The following PPP1CB variants were observed in gnomAD, a reference collection of about 807,000 sequenced individuals.
The protein encoded by PPP1CB is protein phosphatase 1 catalytic subunit beta, also known as serine/threonine-protein phosphatase PP1-beta catalytic subunit.
Under a neutral mutation model 43.7 loss-of-function variants are expected in PPP1CB, and 2 were observed. That is an observed-to-expected ratio of 0.05 (90% CI 0.02 to 0.14). PPP1CB has a LOEUF of 0.14. Ranked by LOEUF, PPP1CB falls within the 10% of genes least tolerant of loss-of-function variation. The pLI is 1.00. For synonymous variants in PPP1CB, 136 were observed against 135.6 expected (o/e 1.00, Z -0.02); for missense variants, 84 against 398.0 (o/e 0.21, Z 6.71).
chr2:28,761,574 A>C (rs749606138), intron 1 of PPP1CB, among the ~76,000 whole-genome samples: 2 of 152,236 alleles, frequency 1.3e-5, no homozygotes, highest in Non-Finnish European at 2.9e-5. Context: ...TCTTTGTGCC[A>C]CTGAGTCCTG....
intron 1 of PPP1CB, among the ~76,000 whole-genome samples, chr2:28,767,561 G>T (rs1475178373): frequency 6.6e-6 from 1 of 152,168 alleles, no homozygotes; most frequent in Non-Finnish European, 1.5e-5. Context: ...ACGCTGCCAG[G>T]TTGTAACTGC....
At chr2:28,769,710 A>G (rs1011147930) in intron 1 of PPP1CB, among the ~76,000 whole-genome samples, 9 of 152,240 alleles carry the variant, frequency 5.9e-5, no homozygotes, top group African/African-American at 2.2e-4. Flanking sequence ...GGAAACAAAA[A>G]TACGACAACT....
At position 28,761,186 on chromosome 2, in the gene PPP1CB, G is replaced by A. The variant is rs1042303456; in HGVS notation, c.52+9010G>A. Reference sequence around the variant, plus strand: ...ATTACTGGGGTGAGCCACCGCGCCCGGCCGAGACCAGACTTCTGAGGGGGA... The same window carrying A: ...ATTACTGGGGTGAGCCACCGCGCCCAGCCGAGACCAGACTTCTGAGGGGGA... On this transcript the variant is annotated intron_variant, in intron 1 of 7. Transcript: ENST00000395366. Among the ~76,000 whole-genome samples, 6 of 152,108 alleles carry A rather than the reference G, an allele frequency of 3.9e-5. No individual in the cohort carries two copies. In the East Asian group the frequency reaches 7.7e-4, roughly 20 times the overall value.
chr2:28,763,893 A>G (rs1310109185), intron 1 of PPP1CB, among the ~76,000 whole-genome samples: 6 of 149,548 alleles, frequency 4.0e-5, no homozygotes, highest in African/African-American at 1.2e-4. Context: ...TTTAGTAGAG[A>G]CGGGGTTTCA....
At chr2:28,779,475 C>G (rs1667104009) in intron 3 of PPP1CB, among the ~76,000 whole-genome samples, 1 of 152,110 alleles carries the variant, frequency 6.6e-6, no homozygotes, top group Non-Finnish European at 1.5e-5. Flanking sequence ...GAATTTAAAT[C>G]TATGTCTGTA....
At chr2:28,794,100 C>A in intron 7 of PPP1CB, 103 bp downstream of exon 7, 1 of 936,560 alleles carries the variant, frequency 1.1e-6, no homozygotes, top group African/African-American at 1.7e-5. Context: ...TGTTGAAAGT[C>A]TGTTTAATTC....
intron 1 of PPP1CB, among the ~76,000 whole-genome samples, chr2:28,758,186 C>CA (rs948279498): frequency 2.0e-5 from 3 of 151,672 alleles, no homozygotes; most frequent in African/African-American, 7.3e-5. Context: ...GCTGGGACCA[C>CA]AGGCATGCAC....
In PPP1CB at chr2:28,800,834, T is replaced by C. The variant is rs907160575; in HGVS notation, c.*1531T>C. On this transcript the variant is annotated 3_prime_UTR_variant, in exon 8 of 8. Coordinates refer to ENST00000395366, the MANE Select transcript of PPP1CB (RefSeq NM_002709.3). ...AGATGTGACATTTTTGACCTTAATATCGTCTTTGAAAATGTTAAATTGAGA... is the reference window on the plus strand; with the variant it reads ...AGATGTGACATTTTTGACCTTAATACCGTCTTTGAAAATGTTAAATTGAGA... 5 of 152,532 alleles carry C rather than the reference T, an allele frequency of 3.3e-5. No homozygotes were observed. The highest frequency in any genetic ancestry group is 1.2e-4 in the African/African-American group (5 of 41,448). 9.4% of individuals were successfully genotyped at this position (152,532 alleles called of 1,614,324 possible).
chr2:28,771,039 C>CCT (rs1666898031), intron 1 of PPP1CB, among the ~76,000 whole-genome samples: 1 of 43,988 alleles, frequency 2.3e-5, no homozygotes, highest in Non-Finnish European at 5.0e-5. Context: ...TTATTCCCTG[C>CCT]TCCCCCCCCC....
At chr2:28,786,793 A>AAAAAC (rs1466062213) in intron 5 of PPP1CB, among the ~76,000 whole-genome samples, 1 of 151,528 alleles carries the variant, frequency 6.6e-6, no homozygotes, top group Admixed American at 6.6e-5. Flanking sequence ...AAAAAAAAAA[A>AAAAAC]AAGAAATTAT....
rs751646412 is a variant in PPP1CB, at chr2:28,781,883, T to C, written c.520+41T>C. 2.2e-6 allele frequency: 3 copies of C among 1,373,092 alleles called. No homozygotes were observed. In the African/African-American group the frequency reaches 4.3e-5, roughly 20 times the overall value. The allele number at this position is 1,373,092 out of a possible 1,614,324, so 85.1% of individuals were successfully genotyped here. ...TGCCTTACAGATTTTTTTTTTCTTC[T>C]ATTATTCGGAAAATACCTATAATAA... is the stretch of plus-strand genomic sequence containing the variant. On this transcript the variant is annotated intron_variant, in intron 4 of 7. Coordinates refer to ENST00000395366, the MANE Select transcript of PPP1CB (RefSeq NM_002709.3).
intron 5 of PPP1CB, among the ~76,000 whole-genome samples, chr2:28,787,997 A>G (rs909563212): frequency 2.0e-5 from 3 of 152,152 alleles, no homozygotes; most frequent in Non-Finnish European, 2.9e-5. Context: ...TTAAAAAAAA[A>G]TCCTCAGGGT....
chr2:28,765,380 G>A (rs972751560), intron 1 of PPP1CB, among the ~76,000 whole-genome samples: 1 of 152,156 alleles, frequency 6.6e-6, no homozygotes, highest in Non-Finnish European at 1.5e-5. Flanking sequence ...AGCATTTATA[G>A]AATTCTCCTG....
intron 1 of PPP1CB, among the ~76,000 whole-genome samples, chr2:28,772,224 C>G (rs950506087): frequency 6.6e-6 from 1 of 152,034 alleles, no homozygotes; most frequent in African/African-American, 2.4e-5. Context: ...ATCCTTGAAC[C>G]CGGGAGGTGG....
At chr2:28,782,080 GAA>G (rs1667166808) in intron 4 of PPP1CB, 1 of 461,196 alleles carries the variant, frequency 2.2e-6, no homozygotes, top group Admixed American at 4.0e-5. Flanking sequence ...AGTTGTTTGA[GAA>G]AGTCTCCTTT....
chr2:28,785,065 C>CTTTTTTTTTTTTT lies in PPP1CB; in HGVS notation c.592+1103_592+1115dup. Among the ~76,000 whole-genome samples the CTTTTTTTTTTTTT allele has an allele frequency of 1.4e-3, 77 of 54,994 alleles. 16 individuals carry two copies. Among genetic ancestry groups the CTTTTTTTTTTTTT allele is most frequent in the Non-Finnish European group, 2.1e-3 (60 of 28,690 alleles). The allele number at this position is 54,994 out of a possible 152,430, so 36.1% of individuals were successfully genotyped here. ...ATGTTGTAATAAATTGTGTTAGGAG[C>CTTTTTTTTTTTTT]TTTTTTTTTTTTTTTTTTTTTTTTT... On this transcript the variant is annotated intron_variant, in intron 5 of 7. Coordinates refer to ENST00000395366, the MANE Select transcript of PPP1CB (RefSeq NM_002709.3).
intron 7 of PPP1CB, among the ~76,000 whole-genome samples, chr2:28,796,074 G>A (rs115857759): frequency 0.012 from 1,754 of 152,130 alleles, 18 homozygotes; most frequent in Non-Finnish European, 0.017. Flanking sequence ...TGTTATTGTT[G>A]ACTTTGTTCA....
At chr2:28,773,962 C>G (rs889010517) in intron 1 of PPP1CB, among the ~76,000 whole-genome samples, 3 of 152,156 alleles carry the variant, frequency 2.0e-5, no homozygotes, top group African/African-American at 7.2e-5. Context: ...AAGAGTCTCA[C>G]AACTTCAGAG....
chr2:28,756,393 A>G (rs758410512), intron 1 of PPP1CB, among the ~76,000 whole-genome samples: 1 of 152,204 alleles, frequency 6.6e-6, no homozygotes, highest in Non-Finnish European at 1.5e-5. Flanking sequence ...TTGACCTGTC[A>G]GATGTCTGAA....
Sources: allele counts gnomAD v4.1 joint callset (sites outside exome capture counted in the v4.1 genomes callset), GRCh38; gene constraint gnomAD v4.1.1; transcripts MANE v1.5; gene names NCBI Gene and HGNC (gene_info 2026-07-23, HGNC 2026-07-21).